The following ROBO2 variants were observed in gnomAD, a reference collection of about 807,000 sequenced individuals.
ROBO2 encodes the protein roundabout guidance receptor 2, also known as roundabout homolog 2.
ROBO2 carries 53 observed loss-of-function variants against 160.8 expected under a neutral mutation model. The ratio of observed to expected loss-of-function variants is 0.33; its 90% CI spans 0.26 to 0.41. The LOEUF is 0.41. Ranked by LOEUF, ROBO2 falls within the 10% of genes least tolerant of loss-of-function variation. The probability of loss-of-function intolerance (pLI) is 1.00; values close to 1 mark genes in which losing one functional copy is unlikely to be tolerated. For synonymous variants in ROBO2, 664 were observed against 611.7 expected (o/e 1.09, Z -1.26); for missense variants, 1,577 against 1,722.4 (o/e 0.92, Z 1.49).
intron 2 of ROBO2, among the ~76,000 whole-genome samples, chr3:77,419,923 A>G (rs1055563033): frequency 2.6e-5 from 4 of 152,104 alleles, no homozygotes; most frequent in Non-Finnish European, 4.4e-5. Context: ...GGAATAGGTA[A>G]AAGTGAAGAT....
intron 2 of ROBO2, among the ~76,000 whole-genome samples, chr3:76,990,680 G>A (rs764868910): frequency 2.0e-5 from 3 of 152,052 alleles, no homozygotes; most frequent in Non-Finnish European, 4.4e-5. Context: ...TGCAGCCAGC[G>A]CTAGGGAAAG....
At chr3:77,272,029 CAAACA>C (rs2059523413) in intron 2 of ROBO2, among the ~76,000 whole-genome samples, 1 of 152,104 alleles carries the variant, frequency 6.6e-6, no homozygotes, top group African/African-American at 2.4e-5. Context: ...AGTGACACTG[CAAACA>C]TAGCACAGGT....
chr3:76,716,366 C>T (rs892249589), intron 2 of ROBO2, among the ~76,000 whole-genome samples: 7 of 152,218 alleles, frequency 4.6e-5, no homozygotes, highest in Middle Eastern at 3.4e-3. Context: ...GTATATCTTA[C>T]GTTTTCTCAC....
chr3:76,634,509 A>G (rs1203760181), intron 2 of ROBO2, among the ~76,000 whole-genome samples: 1 of 151,942 alleles, frequency 6.6e-6, no homozygotes, highest in African/African-American at 2.4e-5. Context: ...CAGGGGTTGC[A>G]GTGAGCCGAG....
At chr3:76,158,104 T>A (rs1273490888) in intron 2 of ROBO2, among the ~76,000 whole-genome samples, 1 of 152,200 alleles carries the variant, frequency 6.6e-6, no homozygotes, top group Non-Finnish European at 1.5e-5. Flanking sequence ...CAGAGTGGTT[T>A]AGTCTATCAT....
intron 2 of ROBO2, among the ~76,000 whole-genome samples, chr3:77,011,047 T>TTTC (rs1324912830): frequency 3.8e-5 from 3 of 79,492 alleles, no homozygotes; most frequent in South Asian, 4.2e-4. Context: ...TTTTCTTTTC[T>TTTC]TTCTTTCTTC....
chr3:76,062,961 A>T (rs1278801373), intron 2 of ROBO2, among the ~76,000 whole-genome samples: 3 of 152,208 alleles, frequency 2.0e-5, no homozygotes. Context: ...TGTCATATTT[A>T]ACAATCAGAG....
chr3:76,170,479 C>A (rs2073001805), intron 2 of ROBO2, among the ~76,000 whole-genome samples: 1 of 152,078 alleles, frequency 6.6e-6, no homozygotes. Flanking sequence ...TTGGTGTTTC[C>A]TCAAAAAGCA....
At chr3:76,994,523 T>C (rs2060876802) in intron 2 of ROBO2, among the ~76,000 whole-genome samples, 1 of 152,206 alleles carries the variant, frequency 6.6e-6, no homozygotes, top group Admixed American at 6.6e-5. Context: ...AACATTTGTC[T>C]TCTAATTTTC....
intron 2 of ROBO2, among the ~76,000 whole-genome samples, chr3:76,263,478 C>T (rs1210601966): frequency 1.3e-5 from 2 of 152,130 alleles, no homozygotes; most frequent in African/African-American, 2.4e-5. Context: ...CTGCCTTGAC[C>T]TCCCAAAGTG....
chr3:76,216,062 G>A (rs1196466723), intron 2 of ROBO2, among the ~76,000 whole-genome samples: 3 of 152,112 alleles, frequency 2.0e-5, no homozygotes, highest in African/African-American at 4.8e-5. Flanking sequence ...GCCAAACTAA[G>A]CTTCATAAGT....
chr3:76,675,048 G>C (rs2092372763), intron 2 of ROBO2, among the ~76,000 whole-genome samples: 1 of 152,148 alleles, frequency 6.6e-6, no homozygotes. Flanking sequence ...GAGAATAGAA[G>C]TAGGAGAGGG....
In ROBO2 at chr3:76,793,058, A is replaced by G. The variant is rs181681348; in HGVS notation, c.110-304956A>G. On this transcript the variant is annotated intron_variant, in intron 2 of 26. Transcript: ENST00000487694. Reference sequence around the variant, plus strand: ...GTGTAAAAATAGAAACAAAAATGCGATTCCATCTTTCTGGTTCTCTAATTT... The same window carrying G: ...GTGTAAAAATAGAAACAAAAATGCGGTTCCATCTTTCTGGTTCTCTAATTT... Among the ~76,000 whole-genome samples the G allele has an allele frequency of 9.5e-4, 145 of 151,900 alleles. 1 individual carries two copies. Among genetic ancestry groups the G allele is most frequent in the African/African-American group, 3.4e-3 (140 of 41,530 alleles).
intron 2 of ROBO2, among the ~76,000 whole-genome samples, chr3:76,610,431 TCCACCTTGGGCG>T (rs1191947299): frequency 6.6e-6 from 1 of 152,126 alleles, no homozygotes; most frequent in Non-Finnish European, 1.5e-5. Context: ...GTGAGCAGCT[TCCACCTTGGGCG>T]CCAGTGTCTA....
chr3:77,264,610 C>A (rs181730645), intron 2 of ROBO2, among the ~76,000 whole-genome samples: 11 of 152,120 alleles, frequency 7.2e-5, no homozygotes, highest in African/African-American at 2.6e-4. Context: ...CAACTGGATC[C>A]TTCTAGAGGA....
chr3:75,976,173 A>G (rs1157319886), intron 2 of ROBO2, among the ~76,000 whole-genome samples: 1 of 151,552 alleles, frequency 6.6e-6, no homozygotes, highest in Admixed American at 6.6e-5. Context: ...TCTACCAAAA[A>G]TTTACATGTG....
At chr3:77,194,868 T>A (rs997602869) in intron 2 of ROBO2, among the ~76,000 whole-genome samples, 1 of 152,174 alleles carries the variant, frequency 6.6e-6, no homozygotes, top group Non-Finnish European at 1.5e-5. Flanking sequence ...ATTTTATTTC[T>A]ATCACAAATG....
intron 2 of ROBO2, among the ~76,000 whole-genome samples, chr3:76,908,806 A>C (rs1367940936): frequency 6.6e-6 from 1 of 152,222 alleles, no homozygotes; most frequent in Admixed American, 6.5e-5. Context: ...AGGTGGGTTG[A>C]TTAGAATTAT....
intron 2 of ROBO2, among the ~76,000 whole-genome samples, chr3:76,167,406 G>A (rs139887488): frequency 2.4e-4 from 36 of 152,252 alleles, no homozygotes; most frequent in African/African-American, 6.5e-4. Flanking sequence ...GGAACCAGCC[G>A]TTCTGTTAAG....
Sources: gnomAD v4.1 joint callset for allele counts (sites outside exome capture counted in the v4.1 genomes callset) on GRCh38, gnomAD v4.1.1 for gene constraint, MANE v1.5 for transcripts, NCBI Gene and HGNC (gene_info 2026-07-23, HGNC 2026-07-21) for gene names.